CD44: variants seen among roughly 807,000 people sequenced by gnomAD.
CD44 encodes the protein CD44 antigen.
CD44 carries 49 observed loss-of-function variants against 88.8 expected under a neutral mutation model. That is an observed-to-expected ratio of 0.55 (90% CI 0.44 to 0.70). The LOEUF is 0.70. CD44 is among the 30% of genes least tolerant of loss of function. CD44 has a pLI of 0.00. For synonymous variants in CD44, 325 were observed against 312.3 expected, an observed-to-expected ratio of 1.04 and a Z score of -0.43; for missense variants, 883 against 913.8, an observed-to-expected ratio of 0.97 and a Z score of 0.43.
At chr11:35,164,893 C>T (rs560898244) in intron 1 of CD44, among the ~76,000 whole-genome samples, 1 of 152,142 alleles carries the variant, frequency 6.6e-6, no homozygotes, top group Admixed American at 6.5e-5. Context: ...TTTGTATGTC[C>T]GTTGCATGGG....
intron 4 of CD44, among the ~76,000 whole-genome samples, chr11:35,188,477 T>C (rs953481260): frequency 3.9e-5 from 6 of 152,212 alleles, no homozygotes; most frequent in African/African-American, 1.4e-4. Flanking sequence ...GTCCAGCCCA[T>C]AGTAGAGGTT....
At chr11:35,159,553 T>C (rs1302294921) in intron 1 of CD44, among the ~76,000 whole-genome samples, 4 of 152,188 alleles carry the variant, frequency 2.6e-5, no homozygotes, top group Non-Finnish European at 5.9e-5. Flanking sequence ...TTCATCTTCC[T>C]GTAGGAGAAG....
At chr11:35,226,634 A>C (rs1949706442) in intron 17 of CD44, among the ~76,000 whole-genome samples, 1 of 151,740 alleles carries the variant, frequency 6.6e-6, no homozygotes, top group Non-Finnish European at 1.5e-5. Context: ...ACCCCGCATA[A>C]GAGCAAGAAT....
chr11:35,208,282 C>T (rs1948083791), intron 12 of CD44, 76 bp downstream of exon 12: 2 of 1,002,554 alleles, frequency 2.0e-6, no homozygotes, highest in East Asian at 4.8e-5. Context: ...GGCCAAGATG[C>T]AGAGCTTTGG....
At chr11:35,224,965 CT>C (rs1031488190) in intron 17 of CD44, among the ~76,000 whole-genome samples, 23 of 152,146 alleles carry the variant, frequency 1.5e-4, no homozygotes, top group African/African-American at 5.6e-4. Context: ...TTCTCTTATG[CT>C]ACAGTCTAGC....
chr11:35,145,493 G>C (rs1858945876), intron 1 of CD44, among the ~76,000 whole-genome samples: 1 of 152,094 alleles, frequency 6.6e-6, no homozygotes, highest in African/African-American at 2.4e-5. Flanking sequence ...CTGTTTGTTT[G>C]CGGCTTTGGT....
At chr11:35,214,498 A>G (rs955855184) in intron 14 of CD44, among the ~76,000 whole-genome samples, 1 of 152,120 alleles carries the variant, frequency 6.6e-6, no homozygotes, top group Non-Finnish European at 1.5e-5. Flanking sequence ...TCTAGTCTCA[A>G]CCTCATACCT....
chr11:35,173,968 T>C (rs1216327832), intron 1 of CD44, among the ~76,000 whole-genome samples: 1 of 152,194 alleles, frequency 6.6e-6, no homozygotes, highest in Non-Finnish European at 1.5e-5. Context: ...CTGGGTGACG[T>C]TGGGGAGTCA....
At chr11:35,182,210 A>G (rs1392160959) in intron 3 of CD44, among the ~76,000 whole-genome samples, 2 of 151,202 alleles carry the variant, frequency 1.3e-5, no homozygotes, top group African/African-American at 4.9e-5. Context: ...ACTAAAAAAA[A>G]CCCAAAAATT....
At chr11:35,172,159 C>G (rs1943981757) in intron 1 of CD44, among the ~76,000 whole-genome samples, 1 of 152,312 alleles carries the variant, frequency 6.6e-6, no homozygotes, top group African/African-American at 2.4e-5. Context: ...ACTGGTCCAC[C>G]TGCTTTGACT....
In CD44 at chr11:35,206,698, C is replaced by A. The variant is rs1298616715; in HGVS notation, c.1414+455C>A. On this transcript the variant is annotated intron_variant, in intron 11 of 17. Transcript: ENST00000428726. ...GGGGGCAGTTTTCCTAAGAAGGAGACTCCTGTAAGGAGAAACGTGAAGGAA... is the reference window on the plus strand; with the variant it reads ...GGGGGCAGTTTTCCTAAGAAGGAGAATCCTGTAAGGAGAAACGTGAAGGAA... Among the ~76,000 whole-genome samples the A allele has an allele frequency of 3.3e-5, 5 of 150,844 alleles. No individual in the cohort carries two copies. The South Asian group carries it at 1.0e-3, about 32-fold the overall frequency.
At chr11:35,170,531 CA>C (rs1943759089) in intron 1 of CD44, among the ~76,000 whole-genome samples, 1 of 152,176 alleles carries the variant, frequency 6.6e-6, no homozygotes, top group Non-Finnish European at 1.5e-5. Flanking sequence ...TCTCCAAATC[CA>C]AAAGTGGCCT....
chr11:35,182,001 ATATATATG>A (rs1213308196), intron 3 of CD44, among the ~76,000 whole-genome samples: 9 of 109,904 alleles, frequency 8.2e-5, no homozygotes, highest in South Asian at 2.3e-4. Context: ...ATTTATATTT[ATATATATG>A]TATATATGTA....
In CD44 at chr11:35,201,134, C is replaced by T. The variant is rs35356320; in HGVS notation, c.975C>T (p.Thr325=). The change falls in exon 8 of 18, where the codon ACC becomes ACT. Residue 325 remains threonine, a synonymous_variant. Transcript: ENST00000428726. ...ACACAAAACAGAACCAGGACTGGAC[C>T]CAGTGGAACCCAAGCCATTCAAATC... ...FDHTKQNQDW[T]QWNPSHSNPE... is the part of the protein sequence containing the mutation. 87,953 of 1,613,744 alleles carry T rather than the reference C, an allele frequency of 0.055. 2,720 individuals are homozygous for T. Among genetic ancestry groups the T allele is most frequent in the Non-Finnish European group, 0.06 (71,043 of 1,179,680 alleles).
At chr11:35,179,017 A>C (rs1396245945) in intron 2 of CD44, among the ~76,000 whole-genome samples, 1 of 152,164 alleles carries the variant, frequency 6.6e-6, no homozygotes, top group Non-Finnish European at 1.5e-5. Flanking sequence ...GATATATGAA[A>C]ACTTATTACC....
intron 15 of CD44, among the ~76,000 whole-genome samples, chr11:35,217,082 T>C (rs1279501498): frequency 1.3e-5 from 2 of 152,026 alleles, no homozygotes; most frequent in Non-Finnish European, 1.5e-5. Context: ...TTTGTAGACA[T>C]CTAGGGCACA....
chr11:35,200,697 C>T (rs943711193), intron 7 of CD44: 1 of 182,976 alleles, frequency 5.5e-6, no homozygotes, highest in Non-Finnish European at 1.2e-5. Flanking sequence ...GTGACTAAGT[C>T]CCTGGGCTTT....
At chr11:35,220,785 G>A (rs1420674469) in intron 16 of CD44, among the ~76,000 whole-genome samples, 1 of 36,704 alleles carries the variant, frequency 2.7e-5, no homozygotes, top group Non-Finnish European at 5.9e-5. Context: ...TTTTTTTTTT[G>A]AGATGGAGTT....
chr11:35,223,188 G>A, intron 17 of CD44: 1 of 984,728 alleles, frequency 1.0e-6, no homozygotes, highest in Non-Finnish European at 1.2e-6. Flanking sequence ...GCCTATGATT[G>A]AATGGAAAGA....
Sources: gnomAD v4.1 joint callset for allele counts (sites outside exome capture counted in the v4.1 genomes callset) on GRCh38, gnomAD v4.1.1 for gene constraint, MANE v1.5 for transcripts, NCBI Gene and HGNC (gene_info 2026-07-23, HGNC 2026-07-21) for gene names.